Variants in TRPC5 observed in about 807,000 individuals in gnomAD.
TRPC5 encodes transient receptor potential cation channel subfamily C member 5, also known as short transient receptor potential channel 5.
Under a neutral mutation model 56.5 loss-of-function variants are expected in TRPC5, and 9 were observed. The ratio of observed to expected loss-of-function variants is 0.16; its 90% CI spans 0.10 to 0.28. TRPC5 has a LOEUF of 0.28. TRPC5 is among the 10% of genes least tolerant of loss of function. TRPC5 has a pLI of 1.00. For synonymous variants in TRPC5, 282 were observed against 278.5 expected (o/e 1.01, Z -0.13); for missense variants, 469 against 748.9 (o/e 0.63, Z 4.36).
At chrX:111,839,813 C>T (rs751255657) in intron 6 of TRPC5, among the ~76,000 whole-genome samples, 44 of 110,762 alleles carry the variant, frequency 4.0e-4, no homozygotes, top group Non-Finnish European at 5.9e-4. Context: ...AACTCCTGGG[C>T]TCAAGTGACC....
chrX:112,061,349 G>C, intron 1 of TRPC5, among the ~76,000 whole-genome samples: 1 of 111,844 alleles, frequency 8.9e-6, no homozygotes, highest in Non-Finnish European at 1.9e-5. Context: ...CCTTGGAGAT[G>C]GTCCTTGGAT....
chrX:111,966,173 A>G (rs1927566701), intron 1 of TRPC5, among the ~76,000 whole-genome samples: 1 of 111,906 alleles, frequency 8.9e-6, no homozygotes, highest in African/African-American at 3.3e-5. Flanking sequence ...AAGAAATACA[A>G]ACTACCATCA....
At chrX:111,956,243 G>A (rs1927232521) in intron 1 of TRPC5, among the ~76,000 whole-genome samples, 1 of 112,350 alleles carries the variant, frequency 8.9e-6, no homozygotes, top group Non-Finnish European at 1.9e-5. Flanking sequence ...TGCCTTCAGA[G>A]TGTCGTGGTA....
chrX:111,981,092 G>A (rs988253671), intron 1 of TRPC5, among the ~76,000 whole-genome samples: 4 of 109,620 alleles, frequency 3.6e-5, no homozygotes, highest in African/African-American at 1.3e-4. Context: ...AATTATGGAA[G>A]CTGAGAAATC....
chrX:111,997,588 C>A (rs755624918), intron 1 of TRPC5, among the ~76,000 whole-genome samples: 1 of 111,083 alleles, frequency 9.0e-6, no homozygotes, highest in South Asian at 3.9e-4. Context: ...AGAGTGTTTG[C>A]CAACTTGGTT....
chrX:111,812,111 G>A (rs1447657447), intron 7 of TRPC5, among the ~76,000 whole-genome samples: 2 of 87,210 alleles, frequency 2.3e-5, no homozygotes, highest in Non-Finnish European at 3.8e-5. Context: ...TGGAAATGCC[G>A]GTGGTTTTTT....
chrX:111,940,108 T>G (rs190806280), intron 2 of TRPC5, among the ~76,000 whole-genome samples: 285 of 112,228 alleles, frequency 2.5e-3, no homozygotes, highest in African/African-American at 9.0e-3. Context: ...TTCAAAAAAT[T>G]TAAAAATTTT....
At position 111,967,851 on chromosome X, in the gene TRPC5, C is replaced by A. The variant is rs184383915; in HGVS notation, c.-21-15410G>T. ...GATGTATTAAAGACTTAAATGTTAG[C>A]CCTAAAACCATAACAACCCTAGAAG... On this transcript the variant is annotated intron_variant, in intron 1 of 10. Coordinates refer to ENST00000262839, the MANE Select transcript of TRPC5 (RefSeq NM_012471.3). 9.4e-3 allele frequency among the ~76,000 whole-genome samples: 1,052 copies of A among 111,489 alleles called. 3 individuals carry two copies. Among genetic ancestry groups the A allele is most frequent in the Non-Finnish European group, 0.014 (739 of 53,032 alleles).
chrX:111,948,462 T>C (rs1926985242), intron 2 of TRPC5, among the ~76,000 whole-genome samples: 1 of 111,862 alleles, frequency 8.9e-6, no homozygotes. Flanking sequence ...CTGGGTGCAG[T>C]GGCTCATGCC....
At chrX:111,975,584 A>AC (rs1372051047) in intron 1 of TRPC5, among the ~76,000 whole-genome samples, 7 of 109,126 alleles carry the variant, frequency 6.4e-5, no homozygotes, top group Admixed American at 5.9e-4. Flanking sequence ...CCAGCCCCAC[A>AC]CCCCCCGACA....
intron 1 of TRPC5, among the ~76,000 whole-genome samples, chrX:112,054,388 G>T (rs952295718): frequency 2.9e-4 from 32 of 111,222 alleles, no homozygotes; most frequent in Non-Finnish European, 4.7e-4. Flanking sequence ...ACCAAGATGA[G>T]GTGGTTGCAG....
intron 7 of TRPC5, among the ~76,000 whole-genome samples, chrX:111,811,129 A>G (rs1023426973): frequency 8.9e-6 from 1 of 112,165 alleles, no homozygotes; most frequent in African/African-American, 3.2e-5. Context: ...ATGAGTAAGA[A>G]GTTGCTATAG....
At chrX:111,864,418 C>A (rs1024279735) in intron 3 of TRPC5, among the ~76,000 whole-genome samples, 1 of 112,455 alleles carries the variant, frequency 8.9e-6, no homozygotes, top group African/African-American at 3.2e-5. Context: ...TTTTTTTAAA[C>A]AAATGCCCCC....
intron 1 of TRPC5, among the ~76,000 whole-genome samples, chrX:111,963,983 T>C (rs1374818088): frequency 8.9e-6 from 1 of 111,876 alleles, no homozygotes; most frequent in Non-Finnish European, 1.9e-5. Flanking sequence ...AGAATGACTT[T>C]GACGAGTTGA....
rs749677463 is a variant in TRPC5 at position 111,854,071 on chromosome X, G to A, written c.936C>T (p.Ala312=). ...CAGGGAAGCCATCATACCACAGGGTGGCAAGCAACTGTTGGCAGTTGGGCT... is the reference window on the plus strand; with the variant it reads ...CAGGGAAGCCATCATACCACAGGGTAGCAAGCAACTGTTGGCAGTTGGGCT... The part of the protein sequence containing the change: ...VAQPNCQQLL[A]TLWYDGFPGW... The change falls in exon 4 of 11, where the codon GCC becomes GCT. Residue 312 remains alanine (A), a synonymous_variant. Transcript: ENST00000262839. The A allele has an allele frequency of 8.4e-5, 101 of 1,208,823 alleles. No individual in the cohort carries two copies. In the East Asian group the frequency reaches 3.0e-3, roughly 36 times the overall value.
At chrX:111,898,035 T>C (rs987986569) in intron 3 of TRPC5, among the ~76,000 whole-genome samples, 9 of 110,326 alleles carry the variant, frequency 8.2e-5, no homozygotes, top group African/African-American at 1.6e-4. Context: ...TCTACATCTT[T>C]GTCAATATTT....
intron 2 of TRPC5, among the ~76,000 whole-genome samples, chrX:111,934,229 TTTTTG>T (rs1169271857): frequency 3.5e-4 from 38 of 109,968 alleles, no homozygotes; most frequent in Admixed American, 1.8e-3. Flanking sequence ...CTCCTTCGTT[TTTTTG>T]TTTTGTTTTG....
At chrX:112,050,857 G>C (rs1293230256) in intron 1 of TRPC5, among the ~76,000 whole-genome samples, 2 of 112,182 alleles carry the variant, frequency 1.8e-5, no homozygotes, top group Non-Finnish European at 3.8e-5. Flanking sequence ...GCAAGACAAG[G>C]GTTACTATGA....
chrX:111,873,902 C>T (rs1259119920), intron 3 of TRPC5, among the ~76,000 whole-genome samples: 2 of 111,867 alleles, frequency 1.8e-5, no homozygotes, highest in African/African-American at 6.5e-5. Flanking sequence ...CATCTTGGCT[C>T]CTGTGTGCTT....
Sources: gnomAD v4.1 joint callset for allele counts (sites outside exome capture counted in the v4.1 genomes callset) on GRCh38, gnomAD v4.1.1 for gene constraint, MANE v1.5 for transcripts, NCBI Gene and HGNC (gene_info 2026-07-23, HGNC 2026-07-21) for gene names.